The following MACIR variants were observed in gnomAD, a reference collection of about 807,000 sequenced individuals.
The protein encoded by MACIR is macrophage immunometabolism regulator.
Under a neutral mutation model 14.3 loss-of-function variants are expected in MACIR, and 4 were observed. The observed-to-expected ratio is 0.28, with a 90% CI of 0.14 to 0.64. The LOEUF (loss-of-function observed/expected upper bound fraction) is 0.64. Among genes scored for constraint, MACIR ranks in the 30% least tolerant of loss-of-function variants. The pLI is 0.83. For synonymous variants in MACIR, 101 were observed against 102.4 expected, an observed-to-expected ratio of 0.99 and a Z score of 0.08; for missense variants, 228 against 257.6, an observed-to-expected ratio of 0.89 and a Z score of 0.79.
chr5:103,263,356 T>C (rs1804800728), intron 1 of MACIR, among the ~76,000 whole-genome samples: 1 of 152,118 alleles, frequency 6.6e-6, no homozygotes, highest in African/African-American at 2.4e-5. Context: ...CCTTGGACAT[T>C]GTGTTTATAT....
chr5:103,277,647 A>G lies in MACIR; in HGVS notation c.*1107A>G, dbSNP rs184844607. 6.0e-6 allele frequency: 1 copy of G among 167,048 alleles called. No homozygotes were observed. The highest frequency in any genetic ancestry group is 1.5e-5 in the Non-Finnish European group (1 of 68,088). 10.3% of individuals were successfully genotyped at this position (167,048 alleles called of 1,614,324 possible). ...TTAATCCTGGATTACTTAACAATTT[A>G]TGTCAATTGCACTGGTTTAATTTGT... On this transcript the variant is annotated 3_prime_UTR_variant, in exon 3 of 3. Coordinates refer to ENST00000319933, the MANE Select transcript of MACIR (RefSeq NM_033211.4).
rs925171632 is a variant in MACIR, at chr5:103,276,724, G to C, written c.*184G>C. 17 of 510,148 alleles carry C rather than the reference G, an allele frequency of 3.3e-5. No homozygotes were observed. Among genetic ancestry groups the C allele is most frequent in the Middle Eastern group, 5.1e-4 (1 of 1,968 alleles). 31.6% of individuals were successfully genotyped at this position (510,148 alleles called of 1,614,324 possible). On this transcript the variant is annotated 3_prime_UTR_variant, in exon 3 of 3. Transcript: ENST00000319933. ...AATGAAATCACAGGTACTTGGGGGG[G>C]GGATATCATTCTAGAGCACGCAACT...
chr5:103,273,795 T>G (rs1482616726), intron 2 of MACIR, among the ~76,000 whole-genome samples: 1 of 152,238 alleles, frequency 6.6e-6, no homozygotes, highest in African/African-American at 2.4e-5. Context: ...GTGTGGGGTC[T>G]GAAGTCATAG....
At chr5:103,273,717 T>C in intron 2 of MACIR, among the ~76,000 whole-genome samples, 1 of 151,746 alleles carries the variant, frequency 6.6e-6, no homozygotes, top group African/African-American at 2.4e-5. Context: ...TAGCAAATTT[T>C]TTCCCTCGTA....
intron 2 of MACIR, among the ~76,000 whole-genome samples, chr5:103,273,664 G>GC (rs1805215743): frequency 6.6e-6 from 1 of 152,112 alleles, no homozygotes; most frequent in Non-Finnish European, 1.5e-5. Flanking sequence ...AGAAGCCTGT[G>GC]CCTCCTCCTC....
chr5:103,273,961 G>A (rs1201393767), intron 2 of MACIR, among the ~76,000 whole-genome samples: 2 of 152,150 alleles, frequency 1.3e-5, no homozygotes, highest in Non-Finnish European at 2.9e-5. Flanking sequence ...GACTCTCCTT[G>A]AGTGTGGTGC....
chr5:103,278,623 G>A lies in MACIR; in HGVS notation c.*2083G>A, dbSNP rs116638092. Reference sequence around the variant, plus strand: ...AGACCTGTTCTGTCCGTGTGCCTACGTTCCTTAATAATAGCTAAATAAAAA... The same window carrying A: ...AGACCTGTTCTGTCCGTGTGCCTACATTCCTTAATAATAGCTAAATAAAAA... On this transcript the variant is annotated 3_prime_UTR_variant, in exon 3 of 3. Coordinates refer to ENST00000319933, the MANE Select transcript of MACIR (RefSeq NM_033211.4). 0.036 allele frequency: 6,070 copies of A among 167,046 alleles called. 140 individuals carry two copies. Among genetic ancestry groups the A allele is most frequent in the Non-Finnish European group, 0.047 (3,174 of 68,058 alleles). 10.3% of individuals were successfully genotyped at this position (167,046 alleles called of 1,614,324 possible).
chr5:103,276,089 A>G lies in MACIR; in HGVS notation c.170A>G (p.Asp57Gly). ...TCAGGCTACCAGATCCTACACATGG[A>G]CTCTAACTATTTGGTTGGCTTCACG... ...TVSGYQILHM[D>G]SNYLVGFTTG... The change falls in exon 3 of 3, where the codon GAC becomes GGC. Residue 57 changes from aspartate to glycine, a missense_variant. Physicochemically the swap from Asp to Gly is moderately conservative, Grantham distance 94. Transcript: ENST00000319933. 6.2e-7 allele frequency: 1 copy of G among 1,613,798 alleles called. No homozygotes were observed.
At position 103,278,212 on chromosome 5, in the gene MACIR, C is replaced by T. The variant is rs1237905460; in HGVS notation, c.*1672C>T. 6.0e-6 allele frequency: 1 copy of T among 166,872 alleles called. No homozygotes were observed. Among genetic ancestry groups the T allele is most frequent in the Non-Finnish European group, 1.5e-5 (1 of 68,082 alleles). The allele number at this position is 166,872 out of a possible 1,614,324, so 10.3% of individuals were successfully genotyped here. A position where few individuals can be genotyped will look rare whatever the true frequency, so the allele number is the denominator to read the frequency against. On this transcript the variant is annotated 3_prime_UTR_variant, in exon 3 of 3. Coordinates refer to ENST00000319933, the MANE Select transcript of MACIR (RefSeq NM_033211.4). ...ATTGACGAATGATCACTAAGATTAG[C>T]TATATCTATACAGTCATTAGTTTGA...
At chr5:103,271,894 A>C (rs75215994) in intron 2 of MACIR, among the ~76,000 whole-genome samples, 4,129 of 152,242 alleles carry the variant, frequency 0.027, 88 homozygotes, top group Non-Finnish European at 0.042. Flanking sequence ...ATTATATATG[A>C]AAGGCATTAA....
rs1805343505 is a variant in MACIR at position 103,276,570 on chromosome 5, G to A, written c.*30G>A. The A allele has an allele frequency of 3.8e-6, 6 of 1,579,764 alleles. No homozygotes were observed. The East Asian group carries it at 1.1e-4, about 29-fold the overall frequency. On this transcript the variant is annotated 3_prime_UTR_variant, in exon 3 of 3. Transcript: ENST00000319933. ...CTTGGAGAGAGCTTAAACCAATTTAGGTCAGCCTACGCTTGGCTAGAAAAA... is the reference window on the plus strand; with the variant it reads ...CTTGGAGAGAGCTTAAACCAATTTAAGTCAGCCTACGCTTGGCTAGAAAAA...
intron 1 of MACIR, among the ~76,000 whole-genome samples, chr5:103,262,742 A>G (rs781918436): frequency 7.2e-5 from 11 of 152,160 alleles, no homozygotes; most frequent in Non-Finnish European, 1.5e-4. Context: ...GTCCCACTGC[A>G]TTCTGTTTCA....
At position 103,276,093 on chromosome 5, in the gene MACIR, T is replaced by C; in HGVS notation, c.174T>C (p.Ser58=). 1 of 1,614,102 alleles carries C rather than the reference T, an allele frequency of 6.2e-7. No homozygotes were observed. The highest frequency in any genetic ancestry group is 8.5e-7 in the Non-Finnish European group (1 of 1,180,020). The change falls in exon 3 of 3, where the codon TCT becomes TCC. Residue 58 remains serine, a synonymous_variant. Coordinates refer to ENST00000319933, the MANE Select transcript of MACIR (RefSeq NM_033211.4). The part of the protein sequence containing the change: ...VSGYQILHMD[S]NYLVGFTTGE... ...GCTACCAGATCCTACACATGGACTCTAACTATTTGGTTGGCTTCACGACTG... is the reference window on the plus strand; with the variant it reads ...GCTACCAGATCCTACACATGGACTCCAACTATTTGGTTGGCTTCACGACTG...
intron 2 of MACIR, among the ~76,000 whole-genome samples, chr5:103,274,945 T>G (rs1162284937): frequency 6.6e-6 from 1 of 152,214 alleles, no homozygotes; most frequent in East Asian, 1.9e-4. Context: ...TTGATCTATC[T>G]GTAGCTTTCA....
chr5:103,275,260 A>G (rs1310917087), intron 2 of MACIR, among the ~76,000 whole-genome samples: 6 of 152,142 alleles, frequency 3.9e-5, no homozygotes, highest in African/African-American at 1.4e-4. Context: ...TTCATTGGGG[A>G]TATGGAAGGA....
chr5:103,275,782 T>C (rs908811777), intron 2 of MACIR, 115 bp from the exon 3 acceptor site: 3 of 809,704 alleles, frequency 3.7e-6, no homozygotes, highest in South Asian at 1.9e-5. Context: ...CAGTGGTACA[T>C]TGACTGTCTT....
chr5:103,275,795 A>G, intron 2 of MACIR, 102 bp from the exon 3 acceptor site: 2 of 925,502 alleles, frequency 2.2e-6, no homozygotes, highest in Non-Finnish European at 3.2e-6. Context: ...ACTGTCTTTC[A>G]GGCAAGTGTT....
chr5:103,263,516 G>A (rs781908915), intron 1 of MACIR, among the ~76,000 whole-genome samples: 3 of 152,126 alleles, frequency 2.0e-5, no homozygotes, highest in Non-Finnish European at 4.4e-5. Context: ...TTCAAATCCA[G>A]ACTAAAGTTT....
chr5:103,275,628 G>A (rs1459079561), intron 2 of MACIR, among the ~76,000 whole-genome samples: 3 of 152,152 alleles, frequency 2.0e-5, no homozygotes, highest in Admixed American at 6.5e-5. Flanking sequence ...AAGTATTGTT[G>A]TTGTTGTTTT....
Sources: gnomAD v4.1 joint callset for allele counts (sites outside exome capture counted in the v4.1 genomes callset) on GRCh38, gnomAD v4.1.1 for gene constraint, MANE v1.5 for transcripts, NCBI Gene and HGNC (gene_info 2026-07-23, HGNC 2026-07-21) for gene names.